The following HIVEP2 variants were observed in gnomAD, a reference collection of about 807,000 sequenced individuals.
HIVEP2 encodes HIVEP zinc finger 2.
Under a neutral mutation model 180.7 loss-of-function variants are expected in HIVEP2, and 14 were observed. The observed-to-expected ratio is 0.08, with a 90% confidence interval of 0.05 to 0.12. The LOEUF (loss-of-function observed/expected upper bound fraction) is 0.12. Among genes scored for constraint, HIVEP2 ranks in the 10% least tolerant of loss-of-function variants. The pLI, the probability that HIVEP2 is intolerant of heterozygous loss-of-function variation, is 1.00. For missense variants in HIVEP2, 2,579 were observed against 3,008.5 expected, an observed-to-expected ratio of 0.86 and a Z score of 3.34; for synonymous variants, 1,184 against 1,136.4, an observed-to-expected ratio of 1.04 and a Z score of -0.84.
At chr6:142,787,469 A>C (rs1259095314) in intron 2 of HIVEP2, among the ~76,000 whole-genome samples, 1 of 151,924 alleles carries the variant, frequency 6.6e-6, no homozygotes, top group East Asian at 1.9e-4. Flanking sequence ...AAAAGTAGTG[A>C]CTAAAGATGG....
intron 1 of HIVEP2, among the ~76,000 whole-genome samples, chr6:142,867,880 CTAGAA>C (rs1776180922): frequency 6.6e-6 from 1 of 152,022 alleles, no homozygotes; most frequent in African/African-American, 2.4e-5. Flanking sequence ...AAACGTTGTG[CTAGAA>C]TAGGTCATTT....
intron 1 of HIVEP2, among the ~76,000 whole-genome samples, chr6:142,928,349 C>G (rs1489640892): frequency 2.0e-5 from 3 of 152,140 alleles, no homozygotes; most frequent in Non-Finnish European, 4.4e-5. Flanking sequence ...AGAAATTAAT[C>G]TTAAGAATTG....
chr6:142,944,365 C>CCCT (rs1778252280), intron 1 of HIVEP2, among the ~76,000 whole-genome samples: 1 of 147,972 alleles, frequency 6.8e-6, no homozygotes, highest in African/African-American at 2.6e-5. Context: ...GAGTCCACCC[C>CCCT]CCCCCCCCAC....
intron 1 of HIVEP2, among the ~76,000 whole-genome samples, chr6:142,933,012 G>A (rs1777976907): frequency 6.6e-6 from 1 of 152,150 alleles, no homozygotes; most frequent in East Asian, 1.9e-4. Context: ...CATCATTGCA[G>A]TAACACAAAT....
chr6:142,869,862 T>C (rs1280472554), intron 1 of HIVEP2, among the ~76,000 whole-genome samples: 1 of 152,158 alleles, frequency 6.6e-6, no homozygotes, highest in Non-Finnish European at 1.5e-5. Context: ...ACTATTAATC[T>C]TGTAAAACAC....
chr6:142,791,654 A>G (rs1776140727), intron 2 of HIVEP2, among the ~76,000 whole-genome samples: 1 of 152,222 alleles, frequency 6.6e-6, no homozygotes, highest in South Asian at 2.1e-4. Context: ...AATGTGATGA[A>G]ATAAAACATT....
At chr6:142,852,601 C>A (rs1314144087) in intron 1 of HIVEP2, among the ~76,000 whole-genome samples, 1 of 152,182 alleles carries the variant, frequency 6.6e-6, no homozygotes, top group Non-Finnish European at 1.5e-5. Context: ...CTTAAATCCA[C>A]CACAGATATA....
At chr6:142,801,538 TTC>T (rs1225635765) in intron 2 of HIVEP2, among the ~76,000 whole-genome samples, 1 of 151,960 alleles carries the variant, frequency 6.6e-6, no homozygotes, top group African/African-American at 2.4e-5. Context: ...TCTAAGCGAA[TTC>T]TCTTTTACTC....
chr6:142,838,018 C>A (rs1262706004), intron 1 of HIVEP2, among the ~76,000 whole-genome samples: 2 of 151,944 alleles, frequency 1.3e-5, no homozygotes, highest in Non-Finnish European at 2.9e-5. Flanking sequence ...TGAAATTGGC[C>A]ATGCACTGCC....
chr6:142,794,689 T>C (rs970441139), intron 2 of HIVEP2, among the ~76,000 whole-genome samples: 3 of 152,218 alleles, frequency 2.0e-5, no homozygotes, highest in African/African-American at 7.2e-5. Context: ...TGACATATTC[T>C]TGGACATGGA....
At chr6:142,904,885 G>C (rs1777224244) in intron 1 of HIVEP2, among the ~76,000 whole-genome samples, 1 of 152,018 alleles carries the variant, frequency 6.6e-6, no homozygotes. Context: ...AAGTAACCCT[G>C]GGTAAACTGT....
intron 2 of HIVEP2, among the ~76,000 whole-genome samples, chr6:142,793,656 CTTT>C (rs1554279275): frequency 0.1 from 7,711 of 76,472 alleles, 584 homozygotes; most frequent in Non-Finnish European, 0.13. Flanking sequence ...TTCTTTCTTT[CTTT>C]TTTCTTTCTT....
chr6:142,820,123 C>A (rs898272127), intron 2 of HIVEP2, among the ~76,000 whole-genome samples: 3 of 152,104 alleles, frequency 2.0e-5, no homozygotes, highest in Non-Finnish European at 4.4e-5. Flanking sequence ...GAAAGCAGCC[C>A]GATTTAATTG....
At chr6:142,779,461 A>T (rs1185033535) in intron 3 of HIVEP2, 5 of 152,290 alleles carry the variant, frequency 3.3e-5, no homozygotes. Context: ...CTCTACAAAA[A>T]ATACAAAAAT....
intron 1 of HIVEP2, among the ~76,000 whole-genome samples, chr6:142,838,511 G>A (rs536628778): frequency 1.6e-4 from 25 of 152,166 alleles, no homozygotes; most frequent in African/African-American, 5.1e-4. Flanking sequence ...TATCTAGAGC[G>A]GCGAAAATAT....
rs1424208869 is a variant in HIVEP2 at position 142,770,286 on chromosome 6, T to C, written c.4453A>G (p.Lys1485Glu). ...GGTTTCTGGGGGCGGGAGAGGTCCT[T>C]TTTGATGTCTGAGTTGGTCAGCTCC... Reference protein sequence around the residue: ...AVELTNSDIKKDLSRPQKPQL... With the variant: ...AVELTNSDIKEDLSRPQKPQL... The change falls in exon 5 of 10, where the codon AAG becomes GAG. Residue 1485 changes from lysine (K) to glutamate (E), a missense_variant. Around this residue, in one of 11 missense-constraint regions of HIVEP2, gnomAD observed 349 missense variants for 367.2 expected, o/e 0.95. Coordinates refer to ENST00000367603, the MANE Select transcript of HIVEP2 (RefSeq NM_006734.4). This position sits in a 1 kb window ranked among gnomAD's most constrained non-coding sequence, Gnocchi z 4.7. 1.6e-5 allele frequency: 26 copies of C among 1,614,018 alleles called. No homozygotes were observed. The Admixed American group carries it at 4.3e-4, about 27-fold the overall frequency.
At chr6:142,872,660 G>A (rs1776321943) in intron 1 of HIVEP2, among the ~76,000 whole-genome samples, 1 of 152,032 alleles carries the variant, frequency 6.6e-6, no homozygotes, top group African/African-American at 2.4e-5. Flanking sequence ...GAAACCAAAG[G>A]AAAAGGTCCA....
At chr6:142,763,154 T>C (rs560281615) in intron 7 of HIVEP2, among the ~76,000 whole-genome samples, 5 of 152,334 alleles carry the variant, frequency 3.3e-5, no homozygotes, top group Admixed American at 3.3e-4. Flanking sequence ...ATCTTCAGAA[T>C]AGGTCTGTAG....
At chr6:142,924,620 C>T (rs1435248817) in intron 1 of HIVEP2, among the ~76,000 whole-genome samples, 1 of 152,186 alleles carries the variant, frequency 6.6e-6, no homozygotes. Flanking sequence ...TTGGTCACTG[C>T]AAAGGCACAA....
Sources: allele counts gnomAD v4.1 joint callset (sites outside exome capture counted in the v4.1 genomes callset), GRCh38; gene constraint gnomAD v4.1.1; regional missense constraint gnomAD v4.1.1; non-coding constraint Gnocchi (gnomAD v3.1); transcripts MANE v1.5; gene names NCBI Gene and HGNC (gene_info 2026-07-23, HGNC 2026-07-21).